Variants in PHACTR1 observed in about 807,000 individuals in gnomAD.
PHACTR1 encodes the protein phosphatase and actin regulator 1.
Under a neutral mutation model 69.2 loss-of-function variants are expected in PHACTR1, and 16 were observed. That is an observed-to-expected ratio of 0.23 (90% CI 0.16 to 0.35). The LOEUF (loss-of-function observed/expected upper bound fraction) is 0.35. Among genes scored for constraint, PHACTR1 ranks in the 10% least tolerant of loss-of-function variants. The pLI is 1.00. For missense variants in PHACTR1, 510 were observed against 734.7 expected (o/e 0.69, Z 3.54); for synonymous variants, 312 against 284.5 (o/e 1.10, Z -0.97).
intron 5 of PHACTR1, among the ~76,000 whole-genome samples, chr6:13,123,558 C>T (rs150502456): frequency 1.9e-3 from 284 of 152,294 alleles, no homozygotes; most frequent in Non-Finnish European, 3.5e-3. Flanking sequence ...AAATGAAAGT[C>T]ATTAATATCC....
At chr6:13,158,654 G>A (rs1285458668) in intron 5 of PHACTR1, among the ~76,000 whole-genome samples, 1 of 152,190 alleles carries the variant, frequency 6.6e-6, no homozygotes, top group Non-Finnish European at 1.5e-5. Flanking sequence ...TTATCACAAT[G>A]GAGATGTCCT....
rs559096190 is a variant in PHACTR1, at chr6:13,146,815, C to A, written c.416-13389C>A. On this transcript the variant is annotated intron_variant, in intron 5 of 14. Coordinates refer to ENST00000332995, the MANE Select transcript of PHACTR1 (RefSeq NM_030948.6). Reference sequence around the variant, plus strand: ...TGGAAGGAGAAACCCACTTCACTAGCTCTGAATCAATGAATTTTCTTTTTA... The same window carrying A: ...TGGAAGGAGAAACCCACTTCACTAGATCTGAATCAATGAATTTTCTTTTTA... 2.0e-5 allele frequency among the ~76,000 whole-genome samples: 3 copies of A among 152,284 alleles called. No individual in the cohort carries two copies. In the South Asian group the frequency reaches 6.2e-4, roughly 32 times the overall value.
chr6:13,029,377 C>T (rs191352166), intron 4 of PHACTR1, among the ~76,000 whole-genome samples: 4 of 152,238 alleles, frequency 2.6e-5, no homozygotes, highest in Admixed American at 2.0e-4. Context: ...CAGCATCAGC[C>T]GTGCAGAAGG....
chr6:12,866,026 C>T (rs950097960), intron 4 of PHACTR1, among the ~76,000 whole-genome samples: 1 of 152,172 alleles, frequency 6.6e-6, no homozygotes, highest in African/African-American at 2.4e-5. Context: ...CATCCCCTTT[C>T]TGCCTGAGAG....
intron 5 of PHACTR1, among the ~76,000 whole-genome samples, chr6:13,154,935 T>G (rs2113485990): frequency 6.6e-6 from 1 of 152,256 alleles, no homozygotes; most frequent in South Asian, 2.1e-4. Context: ...AACCATTGTA[T>G]TTTCTTTTTT....
At chr6:13,104,460 T>G (rs976665449) in intron 5 of PHACTR1, among the ~76,000 whole-genome samples, 2 of 152,320 alleles carry the variant, frequency 1.3e-5, no homozygotes, top group East Asian at 3.9e-4. Flanking sequence ...TGCCAATATG[T>G]TAATGACATA....
At chr6:13,118,735 C>G (rs1243361751) in intron 5 of PHACTR1, among the ~76,000 whole-genome samples, 3 of 152,116 alleles carry the variant, frequency 2.0e-5, no homozygotes, top group African/African-American at 7.2e-5. Flanking sequence ...CCTCAGCCTC[C>G]TAAAGTGTTG....
chr6:12,718,466 T>A (rs1435675150), intron 2 of PHACTR1: 2 of 201,292 alleles, frequency 9.9e-6, no homozygotes, highest in Non-Finnish European at 2.0e-5. Flanking sequence ...TTAGATCAGA[T>A]CATCTGTTTT....
At chr6:12,823,809 C>A (rs1190069941) in intron 4 of PHACTR1, among the ~76,000 whole-genome samples, 1 of 152,166 alleles carries the variant, frequency 6.6e-6, no homozygotes, top group Non-Finnish European at 1.5e-5. Flanking sequence ...ATATTCATTT[C>A]TTTTATTCTG....
At chr6:12,916,065 G>T (rs1786955517) in intron 4 of PHACTR1, among the ~76,000 whole-genome samples, 1 of 151,928 alleles carries the variant, frequency 6.6e-6, no homozygotes, top group South Asian at 2.1e-4. Context: ...TGTAATGCGT[G>T]GCAAAAAGGG....
intron 4 of PHACTR1, among the ~76,000 whole-genome samples, chr6:12,900,752 T>G (rs904875631): frequency 1.3e-5 from 2 of 152,216 alleles, no homozygotes; most frequent in Non-Finnish European, 1.5e-5. Context: ...GTGCCTGACT[T>G]GTATATGAAT....
rs145071352 is a variant in PHACTR1 at position 12,743,610 on chromosome 6, A to G, written c.104-6034A>G. Among the ~76,000 whole-genome samples the G allele has an allele frequency of 1.4e-4, 21 of 152,316 alleles. No individual in the cohort carries two copies. In the East Asian group the frequency reaches 2.9e-3, roughly 21 times the overall value. On this transcript the variant is annotated intron_variant, in intron 3 of 14. Transcript: ENST00000332995. Reference sequence around the variant, plus strand: ...ATCAATGCAACAAGAAGAGCTAACTATCTTAAATATATATGCACCCAATAT... The same window carrying G: ...ATCAATGCAACAAGAAGAGCTAACTGTCTTAAATATATATGCACCCAATAT...
chr6:13,244,749 A>G (rs373578106), intron 10 of PHACTR1, among the ~76,000 whole-genome samples: 2 of 152,238 alleles, frequency 1.3e-5, no homozygotes, highest in Non-Finnish European at 2.9e-5. Context: ...CAAGGTGCCC[A>G]CATTTCATAT....
intron 4 of PHACTR1, among the ~76,000 whole-genome samples, chr6:12,961,918 CT>C (rs1206079130): frequency 1.3e-5 from 2 of 152,000 alleles, no homozygotes; most frequent in South Asian, 2.1e-4. Flanking sequence ...GTCTCCTTCT[CT>C]TTTTTTGTTG....
chr6:12,992,659 G>A (rs969187664), intron 4 of PHACTR1, among the ~76,000 whole-genome samples: 1 of 152,154 alleles, frequency 6.6e-6, no homozygotes, highest in Admixed American at 6.5e-5. Flanking sequence ...TTATGCCAAG[G>A]AAATTGAGGA....
rs1168343117 is a variant in PHACTR1, at chr6:13,275,453, C to T, written c.1447+2538C>T. ...TGTAGGTGGTAGCTTGTGGCCCCACCCCTCAGAGTGACCTAAGAAACGCAC... is the reference window on the plus strand; with the variant it reads ...TGTAGGTGGTAGCTTGTGGCCCCACTCCTCAGAGTGACCTAAGAAACGCAC... On this transcript the variant is annotated intron_variant, in intron 11 of 14. Coordinates refer to ENST00000332995, the MANE Select transcript of PHACTR1 (RefSeq NM_030948.6). The surrounding 1 kb of genome is among the most constrained non-coding windows in gnomAD (Gnocchi z 4.0). 1 of 152,136 alleles carries T rather than the reference C, an allele frequency of 6.6e-6. No individual in the cohort carries two copies. 9.4% of individuals were successfully genotyped at this position (152,136 alleles called of 1,614,324 possible). A position where few individuals can be genotyped will look rare whatever the true frequency, so the allele number is the denominator to read the frequency against.
intron 5 of PHACTR1, among the ~76,000 whole-genome samples, chr6:13,113,737 G>A (rs1057195356): frequency 6.6e-6 from 1 of 152,116 alleles, no homozygotes; most frequent in African/African-American, 2.4e-5. Context: ...CTATCTCACC[G>A]ATGTACCCAT....
chr6:12,764,378 C>T (rs1768369895), intron 4 of PHACTR1, among the ~76,000 whole-genome samples: 1 of 152,106 alleles, frequency 6.6e-6, no homozygotes, highest in Admixed American at 6.5e-5. Flanking sequence ...CAAATAGAAC[C>T]CAATAGTCAC....
chr6:13,089,346 T>A (rs73368195), intron 5 of PHACTR1, among the ~76,000 whole-genome samples: 1,662 of 152,180 alleles, frequency 0.011, 27 homozygotes, highest in African/African-American at 0.037. Context: ...GTGCAGGCTC[T>A]AGGGGGGTGC....
Sources: gnomAD v4.1 joint callset for allele counts (sites outside exome capture counted in the v4.1 genomes callset) on GRCh38, gnomAD v4.1.1 for gene constraint, Gnocchi (gnomAD v3.1) non-coding constraint, MANE v1.5 for transcripts, NCBI Gene and HGNC (gene_info 2026-07-23, HGNC 2026-07-21) for gene names.